Variants in FAM227A observed in about 807,000 individuals in gnomAD.
The protein encoded by FAM227A is protein FAM227A.
In FAM227A, 80 loss-of-function variants were observed where a neutral mutation model predicts 74.7. That is an observed-to-expected ratio of 1.07 (90% CI 0.89 to 1.29). The LOEUF is 1.29. Among genes scored for constraint, FAM227A ranks in the 50% most tolerant of loss-of-function variants. The pLI is 0.00. For synonymous variants in FAM227A, 237 were observed against 241.8 expected, an observed-to-expected ratio of 0.98 and a Z score of 0.19; for missense variants, 654 against 683.4, an observed-to-expected ratio of 0.96 and a Z score of 0.48.
chr22:38,613,621 C>T lies in FAM227A; in HGVS notation c.1039-6145G>A, dbSNP rs1357267312. 4.7e-5 allele frequency among the ~76,000 whole-genome samples: 7 copies of T among 150,214 alleles called. No homozygotes were observed. The South Asian group carries it at 6.3e-4, about 14-fold the overall frequency. On this transcript the variant is annotated intron_variant, in intron 11 of 16. Transcript: ENST00000535113. Reference sequence around the variant, plus strand: ...CTGGGTTTCACGGATGTTGGGAGTCCCTGAAATGTATGCCTTCCTGGCTCA... The same window carrying T: ...CTGGGTTTCACGGATGTTGGGAGTCTCTGAAATGTATGCCTTCCTGGCTCA...
chr22:38,613,116 T>TTATATATAATTATATATA lies in FAM227A; in HGVS notation c.1039-5658_1039-5641dup, dbSNP rs1569206728. ...TATATTATATATAATTATATATATA[T>TTATATATAATTATATATA]TATATATAATTATATATATAATATA... On this transcript the variant is annotated intron_variant, in intron 11 of 16. Coordinates refer to ENST00000535113, the MANE Select transcript of FAM227A (RefSeq NM_001013647.2). 1.1e-3 allele frequency among the ~76,000 whole-genome samples: 98 copies of TTATATATAATTATATATA among 91,126 alleles called. 1 individual carries two copies. Among genetic ancestry groups the TTATATATAATTATATATA allele is most frequent in the African/African-American group, 4.6e-3 (96 of 21,026 alleles). 59.8% of individuals were successfully genotyped at this position (91,126 alleles called of 152,430 possible). A position where few individuals can be genotyped will look rare whatever the true frequency, so the allele number is the denominator to read the frequency against.
chr22:38,603,787 T>G (rs916487741), intron 13 of FAM227A, among the ~76,000 whole-genome samples: 1 of 152,144 alleles, frequency 6.6e-6, no homozygotes, highest in Non-Finnish European at 1.5e-5. Flanking sequence ...AACAAATGCT[T>G]AAGCCAATTT....
At chr22:38,608,793 C>CTTTTTT (rs35393303) in intron 11 of FAM227A, among the ~76,000 whole-genome samples, 2 of 97,030 alleles carry the variant, frequency 2.1e-5, no homozygotes, top group Non-Finnish European at 3.8e-5. Context: ...ACCCTTGTTC[C>CTTTTTT]TTTTTTTTTT....
rs2090795646 is a variant in FAM227A, at chr22:38,585,884, C to T, written c.*241G>A. ...TTTGTAACATACTTACCAGCATGCA[C>T]GTAATAAAATACTGAAAGAGTAAAT... is the stretch of plus-strand genomic sequence containing the variant. On this transcript the variant is annotated 3_prime_UTR_variant, in exon 17 of 17. Transcript: ENST00000535113. 15 of 864,372 alleles carry T rather than the reference C, an allele frequency of 1.7e-5. No individual in the cohort carries two copies. Among genetic ancestry groups the T allele is most frequent in the South Asian group, 4.1e-5 (2 of 49,276 alleles). 53.5% of individuals were successfully genotyped at this position (864,372 alleles called of 1,614,324 possible).
At chr22:38,640,475 TC>T (rs1215724715) in intron 3 of FAM227A, among the ~76,000 whole-genome samples, 4 of 152,298 alleles carry the variant, frequency 2.6e-5, no homozygotes, top group African/African-American at 9.6e-5. Flanking sequence ...TCTCTTGATC[TC>T]TGACTCTTCC....
At chr22:38,598,717 C>T (rs2091104974) in intron 14 of FAM227A, among the ~76,000 whole-genome samples, 1 of 152,174 alleles carries the variant, frequency 6.6e-6, no homozygotes, top group Admixed American at 6.6e-5. Context: ...TGTCTGTAAT[C>T]TGCATAATAG....
chr22:38,638,022 C>T (rs551076409), intron 5 of FAM227A, among the ~76,000 whole-genome samples: 1 of 152,158 alleles, frequency 6.6e-6, no homozygotes, highest in African/African-American at 2.4e-5. Context: ...CAAATTTAGC[C>T]AGGTGTGGTG....
intron 10 of FAM227A, 59 bp from the exon 11 acceptor site, chr22:38,620,350 G>A: frequency 7.3e-7 from 1 of 1,368,932 alleles, no homozygotes; most frequent in South Asian, 1.3e-5. Context: ...GAAGATTGTA[G>A]CCCAGGAGCT....
rs1022689807 is a variant in FAM227A at position 38,583,123 on chromosome 22, G to A, written c.*3002C>T. On this transcript the variant is annotated 3_prime_UTR_variant, in exon 17 of 17. Coordinates refer to ENST00000535113, the MANE Select transcript of FAM227A (RefSeq NM_001013647.2). ...GTTCTGCTTATCTGCCCCACATGGT[G>A]CCTTGTACTCGGCAGGTGCTCACAC... 7 of 653,582 alleles carry A rather than the reference G, an allele frequency of 1.1e-5. No homozygotes were observed. In the African/African-American group the frequency reaches 1.3e-4, roughly 12 times the overall value. 40.5% of individuals were successfully genotyped at this position (653,582 alleles called of 1,614,324 possible).
In FAM227A at chr22:38,580,285, ATTTG is replaced by A. The variant is rs1307352812; in HGVS notation, c.*5836_*5839del. 1 of 151,904 alleles carries A rather than the reference ATTTG, an allele frequency of 6.6e-6. No homozygotes were observed. The highest frequency in any genetic ancestry group is 1.5e-5 in the Non-Finnish European group (1 of 67,968). 9.4% of individuals were successfully genotyped at this position (151,904 alleles called of 1,614,324 possible). A position where few individuals can be genotyped will look rare whatever the true frequency, so the allele number is the denominator to read the frequency against. ...CCCCTCTCTTTTTCCCTTGAAACTT[ATTTG>A]TTGAAAAAAATGAAGTCATTTGCCC... On this transcript the variant is annotated 3_prime_UTR_variant, in exon 17 of 17. Coordinates refer to ENST00000535113, the MANE Select transcript of FAM227A (RefSeq NM_001013647.2).
chr22:38,591,396 C>A, intron 16 of FAM227A, 39 bp downstream of exon 16: 1 of 1,538,298 alleles, frequency 6.5e-7, no homozygotes, highest in South Asian at 1.2e-5. Flanking sequence ...GGTTTTTGTT[C>A]GAACAACCCT....
chr22:38,582,629 T>A lies in FAM227A; in HGVS notation c.*3496A>T. The A allele has an allele frequency of 1.4e-6, 1 of 730,376 alleles. No individual in the cohort carries two copies. 45.2% of individuals were successfully genotyped at this position (730,376 alleles called of 1,614,324 possible). A position where few individuals can be genotyped will look rare whatever the true frequency, so the allele number is the denominator to read the frequency against. ...CTACAACTCTGAGTCCTCAGTCATT[T>A]CTGGAAAGGGTCCATGCAGGGATGA... On this transcript the variant is annotated 3_prime_UTR_variant, in exon 17 of 17. Transcript: ENST00000535113.
At chr22:38,591,164 A>G (rs1438241250) in intron 16 of FAM227A, among the ~76,000 whole-genome samples, 1 of 152,100 alleles carries the variant, frequency 6.6e-6, no homozygotes, top group Non-Finnish European at 1.5e-5. Context: ...CAACTCTACA[A>G]AAATAAAAAA....
intron 7 of FAM227A, among the ~76,000 whole-genome samples, chr22:38,628,592 C>T (rs2091856022): frequency 6.6e-6 from 1 of 152,200 alleles, no homozygotes; most frequent in South Asian, 2.1e-4. Flanking sequence ...CTACTCTCAA[C>T]CCTGCCTGTG....
In FAM227A at chr22:38,582,839, T is replaced by C. The variant is rs763283710; in HGVS notation, c.*3286A>G. 1.9e-6 allele frequency: 3 copies of C among 1,550,122 alleles called. No individual in the cohort carries two copies. The highest frequency in any genetic ancestry group is 2.6e-6 in the Non-Finnish European group (3 of 1,146,938). ...GGCACAGAATGCTGTTGGAGCATAA[T>C]GCAGTGGAGCACTTGTGCCTACCTT... On this transcript the variant is annotated 3_prime_UTR_variant, in exon 17 of 17. Transcript: ENST00000535113.
In FAM227A at chr22:38,615,661, C is replaced by G. The variant is rs142575964; in HGVS notation, c.1038+4551G>C. ...GTGCCAGGCACCTGCAGTGGGGGGG[C>G]CTGATTCTGTACGGCACTGCAAGTC... is the stretch of plus-strand genomic sequence containing the variant. On this transcript the variant is annotated intron_variant, in intron 11 of 16. Transcript: ENST00000535113. Among the ~76,000 whole-genome samples the G allele has an allele frequency of 7.6e-4, 115 of 152,262 alleles. 1 individual carries two copies. The highest frequency in any genetic ancestry group is 2.7e-3 in the South Asian group (13 of 4,824).
intron 10 of FAM227A, 22 bp downstream of exon 10, chr22:38,623,150 G>A (rs1355300297): frequency 2.0e-6 from 3 of 1,495,274 alleles, no homozygotes; most frequent in Admixed American, 2.0e-5. Context: ...AAGAAGGCGG[G>A]AGGCTGTACC....
intron 2 of FAM227A, among the ~76,000 whole-genome samples, chr22:38,646,552 G>A (rs1011639421): frequency 1.3e-5 from 2 of 151,758 alleles, no homozygotes; most frequent in South Asian, 2.1e-4. Flanking sequence ...GTGAGCCACC[G>A]CGCCCGGCCC....
Position 38,638,851 on chromosome 22 carries a change from G to A in FAM227A, c.296-29C>T, listed in dbSNP as rs748595215. 2.5e-5 allele frequency: 36 copies of A among 1,439,262 alleles called. No homozygotes were observed. The East Asian group carries it at 8.2e-4, about 33-fold the overall frequency. 89.2% of individuals were successfully genotyped at this position (1,439,262 alleles called of 1,614,324 possible). On this transcript the variant is annotated intron_variant, in intron 4 of 16. Transcript: ENST00000535113. ...CAGAAAAATGGAGAAAGAGATAAAT[G>A]AGTAACCACAGGGTCTGTCCACAGC...
Sources: gnomAD v4.1 joint callset for allele counts (sites outside exome capture counted in the v4.1 genomes callset) on GRCh38, gnomAD v4.1.1 for gene constraint, MANE v1.5 for transcripts, NCBI Gene and HGNC (gene_info 2026-07-23, HGNC 2026-07-21) for gene names.